The following COL4A3 variants were observed in gnomAD, a reference collection of about 807,000 sequenced individuals.
COL4A3 encodes the protein collagen type IV alpha 3 chain.
In COL4A3, 135 loss-of-function variants were observed where a neutral mutation model predicts 217.4. The observed-to-expected ratio is 0.62, with a 90% CI of 0.54 to 0.72. The LOEUF is 0.72. Among genes scored for constraint, COL4A3 ranks in the 30% least tolerant of loss-of-function variants. COL4A3 has a pLI of 0.00. For synonymous variants in COL4A3, 690 were observed against 736.3 expected (o/e 0.94, Z 1.02); for missense variants, 1,868 against 2,119.9 (o/e 0.88, Z 2.33).
chr2:227,238,544 C>T (rs905868236), intron 2 of COL4A3, among the ~76,000 whole-genome samples: 4 of 152,028 alleles, frequency 2.6e-5, no homozygotes, highest in African/African-American at 9.7e-5. Context: ...AAAGGAATGC[C>T]GTGAAATCTC....
chr2:227,269,862 A>T (rs1409464251), intron 23 of COL4A3, 48 bp from the exon 24 acceptor site: 1 of 1,484,610 alleles, frequency 6.7e-7, no homozygotes. Context: ...CTGTCTACTT[A>T]GAGTTGGCGT....
intron 1 of COL4A3, among the ~76,000 whole-genome samples, chr2:227,192,627 G>A (rs745830099): frequency 9.9e-5 from 15 of 152,178 alleles, no homozygotes; most frequent in Admixed American, 3.3e-4. Context: ...ATCTCTGCAA[G>A]TGTCCCTTGG....
chr2:227,193,296 C>T (rs1368266254), intron 1 of COL4A3, among the ~76,000 whole-genome samples: 3 of 152,168 alleles, frequency 2.0e-5, no homozygotes, highest in African/African-American at 7.2e-5. Context: ...AAATTTAAAA[C>T]AACGACAGCA....
chr2:227,290,478 C>T (rs567993516), intron 36 of COL4A3, among the ~76,000 whole-genome samples: 76 of 151,906 alleles, frequency 5.0e-4, no homozygotes, highest in Non-Finnish European at 7.9e-4. Flanking sequence ...CCAGCATGGG[C>T]GACAGAGTGA....
chr2:227,241,392 G>A (rs1377479011), intron 3 of COL4A3, among the ~76,000 whole-genome samples: 2 of 152,156 alleles, frequency 1.3e-5, no homozygotes, highest in African/African-American at 4.8e-5. Context: ...ATGTATTAGA[G>A]GCCAGACACA....
At chr2:227,264,414 C>A (rs2070770672) in intron 21 of COL4A3, among the ~76,000 whole-genome samples, 1 of 152,114 alleles carries the variant, frequency 6.6e-6, no homozygotes, top group Admixed American at 6.5e-5. Flanking sequence ...AAGTCCCATG[C>A]CTTGGCATCA....
chr2:227,243,956 C>T (rs1252150130), intron 3 of COL4A3, among the ~76,000 whole-genome samples: 4 of 152,138 alleles, frequency 2.6e-5, no homozygotes, highest in Non-Finnish European at 4.4e-5. Context: ...AGGACTTTTG[C>T]ACAGACTTTA....
At chr2:227,166,994 A>G (rs2065301794) in intron 1 of COL4A3, among the ~76,000 whole-genome samples, 1 of 152,216 alleles carries the variant, frequency 6.6e-6, no homozygotes, top group South Asian at 2.1e-4. Context: ...AGTTGTTAGC[A>G]TGCTAGAATT....
chr2:227,183,208 A>G (rs946364090), intron 1 of COL4A3, among the ~76,000 whole-genome samples: 1 of 152,186 alleles, frequency 6.6e-6, no homozygotes, highest in Non-Finnish European at 1.5e-5. Flanking sequence ...CTCACTCTAT[A>G]AGCAAATTGA....
At chr2:227,303,748 G>C in intron 44 of COL4A3, 111 bp from the exon 45 acceptor site, 1 of 1,054,910 alleles carries the variant, frequency 9.5e-7, no homozygotes. Context: ...CCATAGGACA[G>C]AGCCTCCAGG....
At chr2:227,224,966 C>A (rs187051398) in intron 1 of COL4A3, among the ~76,000 whole-genome samples, 1 of 152,292 alleles carries the variant, frequency 6.6e-6, no homozygotes, top group African/African-American at 2.4e-5. Context: ...GGCTGGAGTG[C>A]TGTGGCGCGA....
rs143368934 is a variant in COL4A3, at chr2:227,189,670, A to G, written c.87+24857A>G. On this transcript the variant is annotated intron_variant, in intron 1 of 51. Transcript: ENST00000396578. The stretch of plus-strand genomic sequence containing the variant: ...TTCTAATTTGCAGGCTTGAAATTGT[A>G]AGTAACCTAAAACTCTCCATTCAAA... Among the ~76,000 whole-genome samples the G allele has an allele frequency of 5.4e-3, 823 of 152,336 alleles. 4 individuals are homozygous for G. Among genetic ancestry groups the G allele is most frequent in the Non-Finnish European group, 9.3e-3 (631 of 68,034 alleles).
intron 1 of COL4A3, among the ~76,000 whole-genome samples, chr2:227,180,365 G>A (rs747597608): frequency 8.5e-5 from 13 of 152,184 alleles, no homozygotes; most frequent in Non-Finnish European, 1.2e-4. Context: ...TGGATTTATT[G>A]AGTACTGTCT....
intron 1 of COL4A3, among the ~76,000 whole-genome samples, chr2:227,226,536 C>G (rs1175683676): frequency 6.6e-6 from 1 of 150,602 alleles, no homozygotes; most frequent in Non-Finnish European, 1.5e-5. Flanking sequence ...GTGGTGCAAT[C>G]TTTGCTTACT....
chr2:227,240,296 G>A, intron 3 of COL4A3, 64 bp downstream of exon 3: 5 of 1,451,504 alleles, frequency 3.4e-6, no homozygotes, highest in Non-Finnish European at 4.7e-6. Context: ...CCTACCCCCT[G>A]GCTGCTGCAA....
At chr2:227,234,162 GGTGTAT>G (rs1467714973) in intron 1 of COL4A3, among the ~76,000 whole-genome samples, 1 of 152,058 alleles carries the variant, frequency 6.6e-6, no homozygotes, top group Non-Finnish European at 1.5e-5. Flanking sequence ...GGGGGAAAGT[GGTGTAT>G]GTGTATGTGG....
At chr2:227,255,680 T>G (rs1317523168) in intron 15 of COL4A3, among the ~76,000 whole-genome samples, 3 of 152,172 alleles carry the variant, frequency 2.0e-5, no homozygotes, top group Admixed American at 6.5e-5. Context: ...TTTTCTAGGC[T>G]TCCTTATTTA....
At chr2:227,244,829 G>A in intron 4 of COL4A3, 122 bp from the exon 5 acceptor site, 1 of 1,006,822 alleles carries the variant, frequency 9.9e-7, no homozygotes, top group Non-Finnish European at 1.6e-6. Context: ...ATCGTTTCGA[G>A]CTATTCCCAG....
chr2:227,308,101 G>A (rs2073588294), intron 48 of COL4A3, among the ~76,000 whole-genome samples, 182 bp downstream of exon 48: 1 of 152,186 alleles, frequency 6.6e-6, no homozygotes, highest in Non-Finnish European at 1.5e-5. Flanking sequence ...TAAAATGGTG[G>A]AAGGAGCCTA....
Sources: allele counts gnomAD v4.1 joint callset (sites outside exome capture counted in the v4.1 genomes callset), GRCh38; gene constraint gnomAD v4.1.1; transcripts MANE v1.5; gene names NCBI Gene and HGNC (gene_info 2026-07-23, HGNC 2026-07-21).